Variants in FASTKD2 observed in about 807,000 individuals in gnomAD.
FASTKD2 encodes the protein FAST kinase domain-containing protein 2, mitochondrial.
A neutral mutation model predicts 63.6 loss-of-function variants in FASTKD2; 51 were observed. The observed-to-expected ratio is 0.80, with a 90% CI of 0.64 to 1.01. The LOEUF (loss-of-function observed/expected upper bound fraction) is 1.01. Ranked by LOEUF, FASTKD2 falls within the 50% of genes least tolerant of loss-of-function variation. The pLI is 0.00. For missense variants in FASTKD2, 786 were observed against 831.1 expected, an observed-to-expected ratio of 0.95 and a Z score of 0.67; for synonymous variants, 284 against 293.4, an observed-to-expected ratio of 0.97 and a Z score of 0.33.
chr2:206,766,620 T>C (rs1012121296), intron 1 of FASTKD2, 24 bp from the exon 2 acceptor site: 1 of 1,272,674 alleles, frequency 7.9e-7, no homozygotes, highest in Non-Finnish European at 1.1e-6. Context: ...ATTTTTATTC[T>C]TTTCATTACT....
intron 2 of FASTKD2, among the ~76,000 whole-genome samples, chr2:206,768,962 A>G (rs1029883695): frequency 6.6e-6 from 1 of 152,210 alleles, no homozygotes; most frequent in African/African-American, 2.4e-5. Context: ...AAAAGTGACT[A>G]ATAAATCACC....
intron 7 of FASTKD2, among the ~76,000 whole-genome samples, chr2:206,777,607 G>A (rs1282202815): frequency 6.6e-6 from 1 of 152,130 alleles, no homozygotes; most frequent in Non-Finnish European, 1.5e-5. Context: ...ATATTGGCCT[G>A]TAGCTTTCTT....
Position 206,788,155 on chromosome 2 carries a change from G to A in FASTKD2, c.1813G>A (p.Asp605Asn). Residue 605 changes from aspartate to asparagine, a missense_variant and splice_region_variant, in exon 9 of 12, where the codon GAT becomes AAT. Coordinates refer to ENST00000402774, the MANE Select transcript of FASTKD2 (RefSeq NM_001136193.2). ...GCACTTGCCACACAATTATCATATT[G>A]GTATGGGACATTATATGATTTCCTT... ...DVHLPHNYHI[D>N]FEIRMDTNRN... 13 of 1,561,026 alleles carry A rather than the reference G, an allele frequency of 8.3e-6. No individual in the cohort carries two copies. Among genetic ancestry groups the A allele is most frequent in the Admixed American group, 1.7e-5 (1 of 57,368 alleles).
Position 206,771,965 on chromosome 2 carries a change from C to T in FASTKD2, c.1062C>T (p.Ala354=). 1.2e-6 allele frequency: 2 copies of T among 1,612,702 alleles called. No individual in the cohort carries two copies. The highest frequency in any genetic ancestry group is 2.2e-5 in the East Asian group (1 of 44,848). ...AACACATGTTTGAAGTACTAGCTGC[C>T]ATGAATCACCGATCTCTTATACTCC... ...NSQHMFEVLA[A]MNHRSLILLD... The change falls in exon 5 of 12, where the codon GCC becomes GCT. Residue 354 remains alanine (A), a synonymous_variant. Coordinates refer to ENST00000402774, the MANE Select transcript of FASTKD2 (RefSeq NM_001136193.2).
At chr2:206,767,511 TAGAATATTTTGAA>T in intron 2 of FASTKD2, 41 bp downstream of exon 2, 1 of 1,521,956 alleles carries the variant, frequency 6.6e-7, no homozygotes, top group Non-Finnish European at 9.0e-7. Flanking sequence ...TTACTTGATT[TAGAATATTTTGAA>T]AGAATGAAGG....
Position 206,794,123 on chromosome 2 carries a change from TAC to T in FASTKD2, c.*2335_*2336del, listed in dbSNP as rs10655467. On this transcript the variant is annotated 3_prime_UTR_variant, in exon 12 of 12. Coordinates refer to ENST00000402774, the MANE Select transcript of FASTKD2 (RefSeq NM_001136193.2). ...ACCGTTAGGTCAGTTTTGACGTACA[TAC>T]ACACACACACACATCTGTGAAACCA... is the stretch of plus-strand genomic sequence containing the variant. 1.9e-4 allele frequency among the ~76,000 whole-genome samples: 29 copies of T among 151,494 alleles called. 1 individual carries two copies. The highest frequency in any genetic ancestry group is 5.1e-4 in the African/African-American group (21 of 41,374).
chr2:206,774,193 A>T, intron 6 of FASTKD2, 32 bp from the exon 7 acceptor site: 1 of 1,495,334 alleles, frequency 6.7e-7, no homozygotes, highest in Middle Eastern at 2.1e-4. Context: ...TGTAATTATT[A>T]TAGAGTTTTC....
At position 206,791,814 on chromosome 2, in the gene FASTKD2, A is replaced by T. The variant is rs1332950350; in HGVS notation, c.*12A>T. The T allele has an allele frequency of 1.2e-6, 2 of 1,610,338 alleles. No homozygotes were observed. The highest frequency in any genetic ancestry group is 2.2e-5 in the South Asian group (2 of 90,980). ...AAAGCACACAATAAAGTGAAAATCA[A>T]CCTTTTCATATTAGGAGACATGCAT... is the stretch of plus-strand genomic sequence containing the variant. On this transcript the variant is annotated 3_prime_UTR_variant, in exon 12 of 12. Transcript: ENST00000402774.
At chr2:206,791,001 A>G (rs913669720) in intron 11 of FASTKD2, 1 of 315,166 alleles carries the variant, frequency 3.2e-6, no homozygotes, top group Non-Finnish European at 6.1e-6. Flanking sequence ...TTTAATTTCC[A>G]GGTTATCTTG....
Position 206,770,073 on chromosome 2 carries a change from G to T in FASTKD2, c.778-18G>T. The T allele has an allele frequency of 6.6e-7, 1 of 1,514,898 alleles. No homozygotes were observed. The highest frequency in any genetic ancestry group is 9.2e-7 in the Non-Finnish European group (1 of 1,089,690). 93.8% of individuals were successfully genotyped at this position (1,514,898 alleles called of 1,614,324 possible). A position where few individuals can be genotyped will look rare whatever the true frequency, so the allele number is the denominator to read the frequency against. ...TGGGCTCATCACCTGTAGTGTTTTT[G>T]TAATTATATTTCAATAGGAACGTAT... On this transcript the variant is annotated intron_variant, in intron 2 of 11. Transcript: ENST00000402774.
At position 206,779,411 on chromosome 2, in the gene FASTKD2, T is replaced by G. The variant is rs1331194082; in HGVS notation, c.1427+5014T>G. The stretch of plus-strand genomic sequence containing the variant: ...GCTATACTACCTAAGACTGTGTAAT[T>G]TATAAAGAAAAGAGGTTTAATTGAC... On this transcript the variant is annotated intron_variant, in intron 7 of 11. Coordinates refer to ENST00000402774, the MANE Select transcript of FASTKD2 (RefSeq NM_001136193.2). Among the ~76,000 whole-genome samples, 5 of 152,152 alleles carry G rather than the reference T, an allele frequency of 3.3e-5. No homozygotes were observed. The South Asian group carries it at 8.3e-4, about 25-fold the overall frequency.
intron 7 of FASTKD2, among the ~76,000 whole-genome samples, chr2:206,775,326 A>C (rs1689793490): frequency 7.6e-6 from 1 of 130,802 alleles, no homozygotes; most frequent in Non-Finnish European, 1.6e-5. Flanking sequence ...ACTTTTACCA[A>C]ATGCCTTTTT....
At position 206,793,248 on chromosome 2, in the gene FASTKD2, A is replaced by AAAAAAAAAAC. The variant is rs1259024642; in HGVS notation, c.*1449_*1450insAAAAAACAAA. ...AAAAAAAAAAAAAAAAAAAAAAAAAAAAATACAAAAACTATAGCAATATGA... is the reference window on the plus strand; with the variant it reads ...AAAAAAAAAAAAAAAAAAAAAAAAAAAAAAAAAAACAAATACAAAAACTATAGCAATATGA... On this transcript the variant is annotated 3_prime_UTR_variant, in exon 12 of 12. Coordinates refer to ENST00000402774, the MANE Select transcript of FASTKD2 (RefSeq NM_001136193.2). Among the ~76,000 whole-genome samples, 15 of 126,558 alleles carry AAAAAAAAAAC rather than the reference A, an allele frequency of 1.2e-4. 1 individual carries two copies. The highest frequency in any genetic ancestry group is 2.7e-4 in the South Asian group (1 of 3,686). The allele number at this position is 126,558 out of a possible 152,430, so 83.0% of individuals were successfully genotyped here. A position where few individuals can be genotyped will look rare whatever the true frequency, so the allele number is the denominator to read the frequency against.
rs767304220 is a variant in FASTKD2, at chr2:206,771,945, A to T, written c.1042A>T (p.Met348Leu). Reference sequence around the variant, plus strand: ...ATTTTCTGTTTTGAATAGCCAACACATGTTTGAAGTACTAGCTGCCATGAA... The same window carrying T: ...ATTTTCTGTTTTGAATAGCCAACACTTGTTTGAAGTACTAGCTGCCATGAA... The part of the protein sequence containing the change: ...DRFSVLNSQH[M>L]FEVLAAMNHR... Residue 348 changes from methionine (M) to leucine (L), a missense_variant, in exon 5 of 12, where the codon ATG (methionine) becomes TTG (leucine). Physicochemically the swap from Met to Leu is conservative, Grantham distance 15 (BLOSUM62 2). Coordinates refer to ENST00000402774, the MANE Select transcript of FASTKD2 (RefSeq NM_001136193.2). 2 of 1,611,408 alleles carry T rather than the reference A, an allele frequency of 1.2e-6. No homozygotes were observed. Among genetic ancestry groups the T allele is most frequent in the East Asian group, 2.2e-5 (1 of 44,858 alleles).
Position 206,788,077 on chromosome 2 carries a change from G to T in FASTKD2, c.1735G>T (p.Ala579Ser). 6.2e-7 allele frequency: 1 copy of T among 1,613,828 alleles called. No homozygotes were observed. The highest frequency in any genetic ancestry group is 8.5e-7 in the Non-Finnish European group (1 of 1,179,854). The change falls in exon 9 of 12, where the codon GCA becomes TCA. Residue 579 changes from alanine (A) to serine (S), a missense_variant. Physicochemically the swap from Ala to Ser is moderately conservative, Grantham distance 99. Transcript: ENST00000402774. ...LPSSHTNAKV[A>S]EVLSSLLGGE... ...ATCGTCACATACAAATGCAAAGGTGGCAGAGGTGCTGAGCAGCCTTCTGGG... is the reference window on the plus strand; with the variant it reads ...ATCGTCACATACAAATGCAAAGGTGTCAGAGGTGCTGAGCAGCCTTCTGGG...
chr2:206,772,519 G>A (rs1689711652), intron 6 of FASTKD2, among the ~76,000 whole-genome samples, 199 bp downstream of exon 6: 1 of 152,132 alleles, frequency 6.6e-6, no homozygotes. Flanking sequence ...CCCAACTTAG[G>A]ATGGCTTGAC....
At chr2:206,770,539 C>G (rs1025454703) in intron 3 of FASTKD2, among the ~76,000 whole-genome samples, 3 of 151,768 alleles carry the variant, frequency 2.0e-5, no homozygotes, top group African/African-American at 7.3e-5. Flanking sequence ...GTCGGGAGAT[C>G]GAGACCATGG....
intron 6 of FASTKD2, among the ~76,000 whole-genome samples, chr2:206,773,727 G>A (rs1296099672): frequency 6.6e-6 from 1 of 152,076 alleles, no homozygotes; most frequent in African/African-American, 2.4e-5. Flanking sequence ...GAACTTGAAA[G>A]TTTATTTTAA....
intron 3 of FASTKD2, among the ~76,000 whole-genome samples, chr2:206,770,753 C>G (rs1435617612): frequency 6.7e-6 from 1 of 149,738 alleles, no homozygotes; most frequent in Non-Finnish European, 1.5e-5. Flanking sequence ...AAAAATAGTA[C>G]TGATGCGGGG....
Sources: gnomAD v4.1 joint callset for allele counts (sites outside exome capture counted in the v4.1 genomes callset) on GRCh38, gnomAD v4.1.1 for gene constraint, MANE v1.5 for transcripts, NCBI Gene and HGNC (gene_info 2026-07-23, HGNC 2026-07-21) for gene names.